IDS: variants seen among roughly 807,000 people sequenced by gnomAD.
IDS encodes iduronate 2-sulfatase, also known as alpha-L-iduronate sulfate sulfatase.
A neutral mutation model predicts 33.5 loss-of-function variants in IDS; 1 was observed. That is an observed-to-expected ratio of 0.03 (90% CI 0.01 to 0.14). IDS has a LOEUF of 0.14. Among genes scored for constraint, IDS ranks in the 10% least tolerant of loss-of-function variants. IDS has a pLI of 1.00. For missense variants in IDS, 328 were observed against 448.0 expected (o/e 0.73, Z 2.42); for synonymous variants, 191 against 184.4 (o/e 1.04, Z -0.29).
rs782736039 is a variant in IDS, at chrX:149,504,291, C to T, written c.106G>A (p.Ala36Thr). The T allele has an allele frequency of 2.5e-6, 3 of 1,192,642 alleles. No homozygotes were observed. The highest frequency in any genetic ancestry group is 3.4e-6 in the Non-Finnish European group (3 of 885,456). ...ACGATGATGAGAAGAACGTTCAGAG[C>T]ATCTACACAGGAGGGAGGGGCTTTG... ...SETQANSTTDALNVLLIIVDD... is the reference protein window; with the variant it reads ...SETQANSTTDTLNVLLIIVDD... Residue 36 changes from alanine (A) to threonine (T), a missense_variant and splice_region_variant, in exon 2 of 9, where the codon GCT becomes ACT. Ala to Thr is a moderately conservative substitution (Grantham distance 58). This residue lies in a region of IDS where 45 missense variants were observed against 33.6 expected (regional missense o/e 1.34). Transcript: ENST00000340855.
In IDS at chrX:149,478,593, T is replaced by G. The variant is rs2124644633; in HGVS notation, c.*4153A>C. 8.9e-6 allele frequency: 1 copy of G among 112,724 alleles called. No homozygotes were observed. The highest frequency in any genetic ancestry group is 2.8e-4 in the East Asian group (1 of 3,590). The allele number at this position is 112,724 out of a possible 1,213,427, so 9.3% of individuals were successfully genotyped here. On this transcript the variant is annotated 3_prime_UTR_variant, in exon 9 of 9. Coordinates refer to ENST00000340855, the MANE Select transcript of IDS (RefSeq NM_000202.8). ...TATGTCCATATCTGCATATATGTCTTTAGGCAGGTAAAAGAATGAAAGGAA... is the reference window on the plus strand; with the variant it reads ...TATGTCCATATCTGCATATATGTCTGTAGGCAGGTAAAAGAATGAAAGGAA...
intron 8 of IDS, among the ~76,000 whole-genome samples, chrX:149,484,076 A>T (rs1014400536): frequency 1.2e-4 from 13 of 112,677 alleles, no homozygotes; most frequent in Non-Finnish European, 1.7e-4. Flanking sequence ...AATTGCTTCC[A>T]CTTTCTGGTT....
chrX:149,495,309 C>T (rs986414734), intron 6 of IDS, among the ~76,000 whole-genome samples: 3 of 111,764 alleles, frequency 2.7e-5, no homozygotes, highest in African/African-American at 9.8e-5. Flanking sequence ...GAATGTACAC[C>T]TCTCACCAAC....
intron 8 of IDS, among the ~76,000 whole-genome samples, chrX:149,485,757 G>A (rs1412603062): frequency 1.8e-5 from 2 of 112,274 alleles, no homozygotes; most frequent in Non-Finnish European, 3.8e-5. Context: ...CAACCAATCA[G>A]AAGATCTTTC....
chrX:149,482,320 C>A lies in IDS; in HGVS notation c.*426G>T. 1 of 133,029 alleles carries A rather than the reference C, an allele frequency of 7.5e-6. No homozygotes were observed. The highest frequency in any genetic ancestry group is 1.5e-5 in the Non-Finnish European group (1 of 66,033). The allele number at this position is 133,029 out of a possible 1,213,427, so 11.0% of individuals were successfully genotyped here. A position where few individuals can be genotyped will look rare whatever the true frequency, so the allele number is the denominator to read the frequency against. On this transcript the variant is annotated 3_prime_UTR_variant, in exon 9 of 9. Transcript: ENST00000340855. The stretch of plus-strand genomic sequence containing the variant: ...AAATTATAAACAAAATAATCAGGAA[C>A]TTAGTGTGGTGCCTAGTTTGATATA...
rs2089292757 is a variant in IDS, at chrX:149,480,904, T to C, written c.*1842A>G. 8.9e-6 allele frequency: 1 copy of C among 111,867 alleles called. No individual in the cohort carries two copies. The highest frequency in any genetic ancestry group is 9.5e-5 in the Admixed American group (1 of 10,532). 9.2% of individuals were successfully genotyped at this position (111,867 alleles called of 1,213,427 possible). On this transcript the variant is annotated 3_prime_UTR_variant, in exon 9 of 9. Transcript: ENST00000340855. ...TAGTTCTGCTGTCAGCTAAACCACA[T>C]GAAAGAACCCCTGCTCATGTGAAAG...
At chrX:149,486,824 G>T (rs1557338081) in intron 8 of IDS, 101 bp downstream of exon 8, 2 of 905,042 alleles carry the variant, frequency 2.2e-6, no homozygotes, top group African/African-American at 2.0e-5. Context: ...AGGAAGGGGG[G>T]GTCTGTGTAA....
At position 149,498,204 on chromosome X, in the gene IDS, T is replaced by C; in HGVS notation, c.611A>G (p.Gln204Arg). Residue 204 changes from glutamine (Q) to arginine (R), a missense_variant, in exon 5 of 9, where the codon CAA (glutamine) becomes CGA (arginine). Transcript: ENST00000340855. ...CATCTTTTCCAACAACTGTATGGCT[T>C]GCTCAGTGCTCTGTTTGTCAGGCAA... The part of the protein sequence containing the change: ...GTLPDKQSTE[Q>R]AIQLLEKMKT... 8.3e-7 allele frequency: 1 copy of C among 1,211,552 alleles called. No homozygotes were observed. The highest frequency in any genetic ancestry group is 1.1e-6 in the Non-Finnish European group (1 of 894,951).
At chrX:149,490,171 T>C (rs1380749036) in intron 7 of IDS, 143 bp downstream of exon 7, 7 of 438,500 alleles carry the variant, frequency 1.6e-5, no homozygotes, top group Non-Finnish European at 2.7e-5. Flanking sequence ...ATCATAAAAA[T>C]GCCCCAGGAT....
chrX:149,496,043 T>G (rs782422356), intron 6 of IDS, among the ~76,000 whole-genome samples: 1 of 112,403 alleles, frequency 8.9e-6, no homozygotes, highest in Non-Finnish European at 1.9e-5. Flanking sequence ...TCCCCTGGGT[T>G]AGGAACGGTC....
rs1378132901 is a variant in IDS, at chrX:149,502,340, C to T, written c.418+972G>A. The stretch of plus-strand genomic sequence containing the variant: ...CCTCTGCTGTGTTTCCTCCTCTCTC[C>T]AAAATCATCACTTCCCTCCAGCTGC... On this transcript the variant is annotated intron_variant, in intron 3 of 8. Coordinates refer to ENST00000340855, the MANE Select transcript of IDS (RefSeq NM_000202.8). The T allele has an allele frequency of 2.5e-5, 6 of 236,886 alleles. No homozygotes were observed. In the Admixed American group the frequency reaches 3.1e-4, roughly 12 times the overall value. 19.5% of individuals were successfully genotyped at this position (236,886 alleles called of 1,213,427 possible).
At chrX:149,489,116 GT>G (rs1386419468) in intron 7 of IDS, among the ~76,000 whole-genome samples, 1 of 112,402 alleles carries the variant, frequency 8.9e-6, no homozygotes, top group African/African-American at 3.2e-5. Context: ...ACAACAGAGT[GT>G]GTTCGTGGAG....
At chrX:149,489,682 C>G (rs6540328) in intron 7 of IDS, among the ~76,000 whole-genome samples, 3 of 111,134 alleles carry the variant, frequency 2.7e-5, no homozygotes, top group African/African-American at 9.8e-5. Context: ...GGATTTGCTT[C>G]GAAACAATTC....
At chrX:149,500,736 G>A in intron 4 of IDS, among the ~76,000 whole-genome samples, 1 of 112,121 alleles carries the variant, frequency 8.9e-6, no homozygotes. Flanking sequence ...TTTAGAACAA[G>A]TAGCACCCAC....
chrX:149,489,932 G>T (rs1458301480), intron 7 of IDS, among the ~76,000 whole-genome samples: 4 of 110,866 alleles, frequency 3.6e-5, no homozygotes, highest in Non-Finnish European at 7.6e-5. Flanking sequence ...AGCCAGGCGT[G>T]AAGAGCTTGC....
chrX:149,494,016 C>T (rs782155388), intron 6 of IDS, among the ~76,000 whole-genome samples: 131 of 111,225 alleles, frequency 1.2e-3, no homozygotes, highest in Non-Finnish European at 2.0e-3. Flanking sequence ...GTCATGCAAA[C>T]GGAGCAGCTG....
intron 8 of IDS, among the ~76,000 whole-genome samples, chrX:149,485,727 A>G (rs2089330644): frequency 8.9e-6 from 1 of 112,275 alleles, no homozygotes; most frequent in Non-Finnish European, 1.9e-5. Flanking sequence ...CTTCCCAACA[A>G]AAGTTTCAGA....
At chrX:149,488,709 G>A (rs1476506580) in intron 7 of IDS, among the ~76,000 whole-genome samples, 5 of 110,571 alleles carry the variant, frequency 4.5e-5, no homozygotes, top group Non-Finnish European at 9.5e-5. Context: ...ATCTGGTGCC[G>A]GGCCTCAGCC....
chrX:149,489,340 G>C (rs147643037), intron 7 of IDS, among the ~76,000 whole-genome samples: 23 of 112,362 alleles, frequency 2.0e-4, no homozygotes, highest in African/African-American at 7.4e-4. Flanking sequence ...ATCACATCTT[G>C]TGACATACAT....
Sources: allele counts gnomAD v4.1 joint callset (sites outside exome capture counted in the v4.1 genomes callset), GRCh38; gene constraint gnomAD v4.1.1; regional missense constraint gnomAD v4.1.1; transcripts MANE v1.5; gene names NCBI Gene and HGNC (gene_info 2026-07-23, HGNC 2026-07-21).